Variants in HORMAD2 observed in about 807,000 individuals in gnomAD.
HORMAD2 encodes the protein HORMA domain containing 2, also known as HORMA domain-containing protein 2.
HORMAD2 carries 45 observed loss-of-function variants against 38.8 expected under a neutral mutation model. The observed-to-expected ratio is 1.16, with a 90% CI of 0.91 to 1.49. The LOEUF is 1.49. HORMAD2 is among the 40% of genes most tolerant of loss of function. HORMAD2 has a pLI of 0.00. For synonymous variants in HORMAD2, 126 were observed against 122.8 expected, an observed-to-expected ratio of 1.03 and a Z score of -0.17; for missense variants, 338 against 367.0, an observed-to-expected ratio of 0.92 and a Z score of 0.65.
At chr22:30,099,209 G>A (rs1484483796) in intron 3 of HORMAD2, among the ~76,000 whole-genome samples, 3 of 152,104 alleles carry the variant, frequency 2.0e-5, no homozygotes, top group Non-Finnish European at 4.4e-5. Flanking sequence ...GGTGACAGAT[G>A]GAAGAAAAAA....
chr22:30,206,774 CAG>C, the HORMAD2 span, among the ~76,000 whole-genome samples: 6 of 152,156 alleles, frequency 3.9e-5, no homozygotes, highest in African/African-American at 1.4e-4. Flanking sequence ...CGGCCAATCT[CAG>C]AGAGTTTTGA....
chr22:30,112,670 A>G (rs1337053515), intron 7 of HORMAD2, 148 bp downstream of exon 7: 11 of 437,058 alleles, frequency 2.5e-5, no homozygotes, highest in Non-Finnish European at 4.6e-5. Flanking sequence ...TTTTACTCTA[A>G]ACTTGACCAA....
chr22:30,152,912 T>A (rs1317275448), intron 10 of HORMAD2, among the ~76,000 whole-genome samples: 1 of 152,162 alleles, frequency 6.6e-6, no homozygotes, highest in Admixed American at 6.5e-5. Context: ...ATGTGTTATC[T>A]TGAGCCCTGA....
At chr22:30,183,486 G>A in the HORMAD2 span, among the ~76,000 whole-genome samples, 2 of 152,252 alleles carry the variant, frequency 1.3e-5, no homozygotes, top group Middle Eastern at 3.4e-3. Context: ...GTCAACATCA[G>A]TGGCACTTAC....
At chr22:30,159,879 C>T (rs963915827) in intron 10 of HORMAD2, among the ~76,000 whole-genome samples, 1 of 152,010 alleles carries the variant, frequency 6.6e-6, no homozygotes, top group Non-Finnish European at 1.5e-5. Flanking sequence ...AAAAGACTTC[C>T]TTACTGACTG....
chr22:30,205,344 C>T, the HORMAD2 span, among the ~76,000 whole-genome samples: 1 of 152,168 alleles, frequency 6.6e-6, no homozygotes, highest in Non-Finnish European at 1.5e-5. Flanking sequence ...GACAAGTACT[C>T]ATCTTCCCAG....
At chr22:30,183,595 G>C in the HORMAD2 span, among the ~76,000 whole-genome samples, 1 of 152,222 alleles carries the variant, frequency 6.6e-6, no homozygotes. Flanking sequence ...TTTCTGATAA[G>C]ATATCTAAGA....
chr22:30,093,880 G>A, intron 1 of HORMAD2, 36 bp from the exon 2 acceptor site: 1 of 1,024,500 alleles, frequency 9.8e-7, no homozygotes, highest in Non-Finnish European at 1.4e-6. Context: ...CATTATATTT[G>A]GCAAGGTCTC....
At chr22:30,106,718 T>C (rs527838688) in intron 5 of HORMAD2, among the ~76,000 whole-genome samples, 1 of 152,350 alleles carries the variant, frequency 6.6e-6, no homozygotes, top group African/African-American at 2.4e-5. Flanking sequence ...ACTTAACACC[T>C]GTGTGACCTT....
At chr22:30,189,329 A>G in the HORMAD2 span, among the ~76,000 whole-genome samples, 1 of 152,074 alleles carries the variant, frequency 6.6e-6, no homozygotes, top group African/African-American at 2.4e-5. Context: ...GACTCCTTCA[A>G]GGAAGGATCT....
intron 1 of HORMAD2, among the ~76,000 whole-genome samples, chr22:30,091,447 G>T (rs138614288): frequency 6.6e-6 from 1 of 151,576 alleles, no homozygotes; most frequent in Non-Finnish European, 1.5e-5. Flanking sequence ...CGTATTTTTT[G>T]TACAGATAGG....
chr22:30,083,266 T>C (rs1178388728), intron 1 of HORMAD2, among the ~76,000 whole-genome samples: 1 of 152,176 alleles, frequency 6.6e-6, no homozygotes, highest in Non-Finnish European at 1.5e-5. Flanking sequence ...AGACCTTGTC[T>C]CAAAAACAGA....
intron 1 of HORMAD2, among the ~76,000 whole-genome samples, chr22:30,091,254 CTCTCTTTCTTTCTTTT>C (rs1333254284): frequency 7.2e-6 from 1 of 139,558 alleles, no homozygotes; most frequent in African/African-American, 2.8e-5. Context: ...CTCTTTCTTT[CTCTCTTTCTTTCTTTT>C]TTTTTTTTTT....
chr22:30,113,854 G>A (rs913205400), intron 7 of HORMAD2, among the ~76,000 whole-genome samples: 1 of 152,008 alleles, frequency 6.6e-6, no homozygotes, highest in Non-Finnish European at 1.5e-5. Context: ...TTTTACATAC[G>A]GTAGGTAGCA....
chr22:30,093,110 C>T (rs907885641), intron 1 of HORMAD2, among the ~76,000 whole-genome samples: 1 of 152,012 alleles, frequency 6.6e-6, no homozygotes, highest in East Asian at 1.9e-4. Flanking sequence ...AATATTAATT[C>T]TTCTAATCAA....
intron 10 of HORMAD2, among the ~76,000 whole-genome samples, chr22:30,122,667 T>C (rs1223279893): frequency 6.6e-6 from 1 of 152,124 alleles, no homozygotes; most frequent in Non-Finnish European, 1.5e-5. Context: ...AGTTAACTTC[T>C]GGTTATGTGG....
At chr22:30,083,073 A>T (rs2068512953) in intron 1 of HORMAD2, among the ~76,000 whole-genome samples, 1 of 152,160 alleles carries the variant, frequency 6.6e-6, no homozygotes, top group South Asian at 2.1e-4. Flanking sequence ...GTTCAAAACC[A>T]GCCTGGGTAA....
At chr22:30,171,013 C>T (rs1191703729) in intron 10 of HORMAD2, among the ~76,000 whole-genome samples, 2 of 152,144 alleles carry the variant, frequency 1.3e-5, no homozygotes, top group Non-Finnish European at 2.9e-5. Context: ...CTTCTTAAAA[C>T]CCCCTTCCCC....
At chr22:30,150,389 T>A (rs543581946) in intron 10 of HORMAD2, among the ~76,000 whole-genome samples, 1 of 152,330 alleles carries the variant, frequency 6.6e-6, no homozygotes, top group East Asian at 1.9e-4. Context: ...TGCTCATGGT[T>A]ACAGAATTGT....
Sources: gnomAD v4.1 joint callset for allele counts (sites outside exome capture counted in the v4.1 genomes callset) on GRCh38, gnomAD v4.1.1 for gene constraint, MANE v1.5 for transcripts, NCBI Gene and HGNC (gene_info 2026-07-23, HGNC 2026-07-21) for gene names.